The following SBF2 variants were observed in gnomAD, a reference collection of about 807,000 sequenced individuals.
SBF2 encodes myotubularin-related protein 13.
In SBF2, 112 loss-of-function variants were observed where a neutral mutation model predicts 225.2. The observed-to-expected ratio is 0.50, with a 90% CI of 0.43 to 0.58. SBF2 has a LOEUF of 0.58. Ranked by LOEUF, SBF2 falls within the 20% of genes least tolerant of loss-of-function variation. The pLI is 0.00. For synonymous variants in SBF2, 763 were observed against 773.3 expected, an observed-to-expected ratio of 0.99 and a Z score of 0.22; for missense variants, 1,996 against 2,206.2, an observed-to-expected ratio of 0.90 and a Z score of 1.91.
chr11:10,183,352 A>G (rs1209752156), intron 2 of SBF2, among the ~76,000 whole-genome samples: 3 of 152,156 alleles, frequency 2.0e-5, no homozygotes, highest in Admixed American at 6.5e-5. Flanking sequence ...TCCAAGGGAA[A>G]CTTCTAAAAA....
At chr11:9,858,142 G>C (rs1857453421) in intron 18 of SBF2, 84 bp downstream of exon 18, 6 of 1,507,112 alleles carry the variant, frequency 4.0e-6, no homozygotes, top group Non-Finnish European at 5.5e-6. Flanking sequence ...AGTAGCTAGA[G>C]TTTTTTTTGC....
chr11:10,036,179 C>T (rs1055437095), intron 3 of SBF2, among the ~76,000 whole-genome samples: 2 of 152,156 alleles, frequency 1.3e-5, no homozygotes, highest in South Asian at 4.1e-4. Flanking sequence ...CCAAACACCG[C>T]ATGTTCTCAC....
intron 16 of SBF2, among the ~76,000 whole-genome samples, chr11:9,909,754 T>C (rs1862442225): frequency 6.6e-6 from 1 of 151,898 alleles, no homozygotes; most frequent in African/African-American, 2.4e-5. Context: ...TAAACATCTG[T>C]AGTCTGTGGG....
At chr11:10,164,152 ATC>A (rs2135220597) in intron 2 of SBF2, among the ~76,000 whole-genome samples, 1 of 152,280 alleles carries the variant, frequency 6.6e-6, no homozygotes, top group Admixed American at 6.5e-5. Context: ...TATTGTCACC[ATC>A]TTGGATATTC....
intron 1 of SBF2, among the ~76,000 whole-genome samples, chr11:10,255,463 G>A (rs1478197783): frequency 1.3e-5 from 2 of 152,048 alleles, no homozygotes; most frequent in African/African-American, 4.8e-5. Context: ...ATAAATAAAG[G>A]AGAAAAAACA....
At chr11:10,180,510 C>T (rs1956695463) in intron 2 of SBF2, among the ~76,000 whole-genome samples, 1 of 152,036 alleles carries the variant, frequency 6.6e-6, no homozygotes, top group Non-Finnish European at 1.5e-5. Context: ...TTTCTTTATC[C>T]TTGACCTTTG....
At chr11:9,970,163 AT>A (rs1246030808) in intron 13 of SBF2, among the ~76,000 whole-genome samples, 4 of 151,818 alleles carry the variant, frequency 2.6e-5, no homozygotes, top group African/African-American at 9.7e-5. Flanking sequence ...CACTGAACTT[AT>A]GTTATTCATG....
intron 6 of SBF2, among the ~76,000 whole-genome samples, chr11:10,022,273 T>C (rs1474199120): frequency 6.6e-6 from 1 of 152,162 alleles, no homozygotes; most frequent in East Asian, 1.9e-4. Flanking sequence ...AGAATTTCTG[T>C]AACGTCCCTG....
At chr11:10,281,177 A>C (rs1414769541) in intron 1 of SBF2, among the ~76,000 whole-genome samples, 2 of 152,190 alleles carry the variant, frequency 1.3e-5, no homozygotes, top group Non-Finnish European at 2.9e-5. Flanking sequence ...AAATAATAAA[A>C]TAAATCCAGA....
intron 2 of SBF2, among the ~76,000 whole-genome samples, chr11:10,108,581 G>A (rs1164509270): frequency 1.4e-5 from 2 of 141,398 alleles, no homozygotes; most frequent in Admixed American, 1.5e-4. Context: ...CTGGAGTGCA[G>A]TGGCGCGATC....
intron 30 of SBF2, 105 bp from the exon 31 acceptor site, chr11:9,809,107 GC>G: frequency 1.3e-6 from 1 of 781,954 alleles, no homozygotes; most frequent in Admixed American, 2.1e-5. Flanking sequence ...TAGGGATAAA[GC>G]GCTTGCACAA....
At chr11:9,868,390 C>T (rs1054003074) in intron 17 of SBF2, among the ~76,000 whole-genome samples, 20 of 141,992 alleles carry the variant, frequency 1.4e-4, no homozygotes, top group Non-Finnish European at 2.0e-4. Context: ...TGGTGGCGGG[C>T]GCCTGTAGTC....
chr11:10,067,739 A>G (rs1950683806), intron 2 of SBF2, among the ~76,000 whole-genome samples: 1 of 152,070 alleles, frequency 6.6e-6, no homozygotes, highest in Admixed American at 6.6e-5. Context: ...TATAAAAAAT[A>G]ACGACAACCA....
chr11:9,852,731 A>G lies in SBF2; in HGVS notation c.2555T>C (p.Ile852Thr). Residue 852 changes from isoleucine (I) to threonine (T), a missense_variant, in exon 21 of 40, where the codon ATT (isoleucine) becomes ACT (threonine). Transcript: ENST00000256190. ...TCGATGTACTGCTTCTAGGGTCTCA[A>G]TGTGCATAGCTACAATTCCTAGGAT... ...CMIPGIVAMH[I>T]ETLEAVHRES... The G allele has an allele frequency of 2.5e-6, 4 of 1,612,574 alleles. No homozygotes were observed. Among genetic ancestry groups the G allele is most frequent in the Non-Finnish European group, 3.4e-6 (4 of 1,178,662 alleles).
In SBF2 at chr11:9,968,422, C is replaced by T. The variant is rs139217120; in HGVS notation, c.1519G>A (p.Glu507Lys). The T allele has an allele frequency of 1.9e-4, 303 of 1,614,062 alleles. No individual in the cohort carries two copies. The highest frequency in any genetic ancestry group is 7.8e-4 in the Admixed American group (47 of 60,010). ...GCATTCTGGTTCTTAGCAACATTTT[C>T]CTGTATTAATTCCTGAACCCGGGCT... ...NEARVQELIQ[E>K]NVAKNQNAPP... Residue 507 changes from glutamate (E) to lysine (K), a missense_variant, in exon 14 of 40, where the codon GAA (glutamate) becomes AAA (lysine). Transcript: ENST00000256190.
rs546294832 is a variant in SBF2 at position 9,909,900 on chromosome 11, G to A, written c.1861-13889C>T. 2.0e-5 allele frequency among the ~76,000 whole-genome samples: 3 copies of A among 152,190 alleles called. No homozygotes were observed. In the East Asian group the frequency reaches 5.8e-4, roughly 29 times the overall value. On this transcript the variant is annotated intron_variant, in intron 16 of 39. Transcript: ENST00000256190. ...TTCCTGACATGCCATTCCTGGCATG[G>A]CAGATCAAAGAAGAAATGATATATA...
intron 16 of SBF2, among the ~76,000 whole-genome samples, chr11:9,918,043 A>G (rs1048427287): frequency 6.6e-6 from 1 of 150,524 alleles, no homozygotes; most frequent in African/African-American, 2.5e-5. Flanking sequence ...CCTTCTTTCT[A>G]TCTATCCACC....
intron 25 of SBF2, among the ~76,000 whole-genome samples, chr11:9,841,363 T>C (rs1323738564): frequency 6.6e-6 from 1 of 152,184 alleles, no homozygotes; most frequent in Non-Finnish European, 1.5e-5. Flanking sequence ...TGGGTAGCGA[T>C]AATATTTTTA....
upstream of SBF2, chr11:10,294,279 G>A (rs961612796): frequency 8.0e-6 from 3 of 373,280 alleles, no homozygotes; most frequent in East Asian, 4.1e-5. Context: ...TGGCTCGGCT[G>A]CCCCAAGCCC....
Sources: gnomAD v4.1 joint callset for allele counts (sites outside exome capture counted in the v4.1 genomes callset) on GRCh38, gnomAD v4.1.1 for gene constraint, MANE v1.5 for transcripts, NCBI Gene and HGNC (gene_info 2026-07-23, HGNC 2026-07-21) for gene names.